SLC8A3: variants seen among roughly 807,000 people sequenced by gnomAD.
The protein encoded by SLC8A3 is solute carrier family 8 member A3.
SLC8A3 carries 37 observed loss-of-function variants against 65.4 expected under a neutral mutation model. The observed-to-expected ratio is 0.57, with a 90% CI of 0.44 to 0.74. The LOEUF (loss-of-function observed/expected upper bound fraction) is 0.74, where lower values mean the gene tolerates loss of function less well. SLC8A3 is among the 30% of genes least tolerant of loss of function. The pLI is 0.00. For synonymous variants in SLC8A3, 461 were observed against 444.5 expected, an observed-to-expected ratio of 1.04 and a Z score of -0.47; for missense variants, 1,112 against 1,172.1, an observed-to-expected ratio of 0.95 and a Z score of 0.75.
chr14:70,122,792 C>A (rs1894165569), intron 2 of SLC8A3, among the ~76,000 whole-genome samples: 1 of 152,156 alleles, frequency 6.6e-6, no homozygotes, highest in Non-Finnish European at 1.5e-5. Context: ...ATTTTATGGG[C>A]CTGGCACGGT....
At chr14:70,186,315 A>G (rs1883212448) in intron 1 of SLC8A3, among the ~76,000 whole-genome samples, 1 of 152,158 alleles carries the variant, frequency 6.6e-6, no homozygotes, top group South Asian at 2.1e-4. Flanking sequence ...TCCTTTATAA[A>G]TTACCCAGTC....
chr14:70,109,967 A>G (rs1272964479), intron 2 of SLC8A3, among the ~76,000 whole-genome samples: 2 of 152,168 alleles, frequency 1.3e-5, no homozygotes, highest in Non-Finnish European at 2.9e-5. Context: ...CTCTAAAGTT[A>G]ACTGACTGGT....
rs1028484812 is a variant in SLC8A3 at position 70,046,303 on chromosome 14, C to G, written c.2410G>C (p.Ala804Pro). The change falls in exon 7 of 7, where the codon GCT (alanine) becomes CCT (proline). Residue 804 changes from alanine to proline, a missense_variant. Transcript: ENST00000356921. This position sits in a 1 kb window ranked among gnomAD's most constrained non-coding sequence, Gnocchi z 4.2. The stretch of plus-strand genomic sequence containing the variant: ...TCTGCATATACATCCTGGAGGGCAG[C>G]AGCTTTGCTGGCAAACGTATCTGGA... ...SVPDTFASKAAALQDVYADAS... is the reference protein window; with the variant it reads ...SVPDTFASKAPALQDVYADAS... 6.2e-7 allele frequency: 1 copy of G among 1,608,502 alleles called. No individual in the cohort carries two copies. The highest frequency in any genetic ancestry group is 8.5e-7 in the Non-Finnish European group (1 of 1,176,500).
intron 2 of SLC8A3, chr14:70,063,814 G>A: frequency 6.8e-7 from 1 of 1,461,842 alleles, no homozygotes; most frequent in Non-Finnish European, 9.6e-7. Flanking sequence ...GGAGGACAGG[G>A]TACTACACCT....
chr14:70,062,473 T>A (rs1220297346), intron 2 of SLC8A3, among the ~76,000 whole-genome samples: 2 of 152,220 alleles, frequency 1.3e-5, no homozygotes, highest in African/African-American at 4.8e-5. Flanking sequence ...TGTGCTACAG[T>A]TGCCTGCAAT....
chr14:70,051,127 T>C lies in SLC8A3; in HGVS notation c.2014-20A>G. On this transcript the variant is annotated intron_variant, in intron 4 of 6. Coordinates refer to ENST00000356921, the MANE Select transcript of SLC8A3 (RefSeq NM_182932.3). ...CGTAGTCTGTTAAGAAGAGAAAAACTTGGAACCATGAGGTTAGAATGCTCA... is the reference window on the plus strand; with the variant it reads ...CGTAGTCTGTTAAGAAGAGAAAAACCTGGAACCATGAGGTTAGAATGCTCA... 6.4e-7 allele frequency: 1 copy of C among 1,556,806 alleles called. No individual in the cohort carries two copies.
At chr14:70,132,720 CA>C (rs1228611973) in intron 2 of SLC8A3, among the ~76,000 whole-genome samples, 7 of 152,132 alleles carry the variant, frequency 4.6e-5, no homozygotes, top group African/African-American at 7.2e-5. Context: ...CAGATAAATT[CA>C]GCTCTTTGCT....
rs1791540091 is a variant in SLC8A3, at chr14:70,045,853, A to G, written c.*94T>C. ...GCTTAGGTCCTGATGCTGCCTCTCC[A>G]GGGCAGTGCAGTCGGGAGAGATCAC... is the stretch of plus-strand genomic sequence containing the variant. On this transcript the variant is annotated 3_prime_UTR_variant, in exon 7 of 7. Transcript: ENST00000356921. The G allele has an allele frequency of 2.7e-5, 34 of 1,273,352 alleles. No homozygotes were observed. The highest frequency in any genetic ancestry group is 3.6e-5 in the Non-Finnish European group (34 of 939,644). 78.9% of individuals were successfully genotyped at this position (1,273,352 alleles called of 1,614,324 possible). A position where few individuals can be genotyped will look rare whatever the true frequency, so the allele number is the denominator to read the frequency against.
chr14:70,053,754 C>A lies in SLC8A3; in HGVS notation c.1889-1640G>T, dbSNP rs572654723. ...TAGCTTTCTGCAAAAATCCCTTTGA[C>A]AAATAACCAATCCTCTATCTTTGGA... On this transcript the variant is annotated intron_variant, in intron 3 of 6. Coordinates refer to ENST00000356921, the MANE Select transcript of SLC8A3 (RefSeq NM_182932.3). 7.9e-5 allele frequency among the ~76,000 whole-genome samples: 12 copies of A among 152,320 alleles called. No homozygotes were observed. The East Asian group carries it at 2.1e-3, about 27-fold the overall frequency.
chr14:70,144,043 T>C (rs1158910257), intron 2 of SLC8A3, among the ~76,000 whole-genome samples: 1 of 152,124 alleles, frequency 6.6e-6, no homozygotes, highest in Non-Finnish European at 1.5e-5. Flanking sequence ...TGTTTCTGAG[T>C]CCGTCTCCTC....
chr14:70,068,842 T>C (rs375953122), intron 2 of SLC8A3, among the ~76,000 whole-genome samples: 117 of 152,240 alleles, frequency 7.7e-4, no homozygotes, highest in African/African-American at 2.8e-3. Flanking sequence ...TCTTCCCACC[T>C]CAGCCTACCG....
At chr14:70,147,771 C>T (rs1255586977) in intron 2 of SLC8A3, among the ~76,000 whole-genome samples, 1 of 152,208 alleles carries the variant, frequency 6.6e-6, no homozygotes, top group Non-Finnish European at 1.5e-5. Context: ...AAGACAGCAG[C>T]CCCAGCTAAC....
At chr14:70,070,038 G>A (rs896493346) in intron 2 of SLC8A3, among the ~76,000 whole-genome samples, 1 of 152,156 alleles carries the variant, frequency 6.6e-6, no homozygotes, top group Non-Finnish European at 1.5e-5. Flanking sequence ...GCTAGTGCCA[G>A]TCAAGGATGG....
chr14:70,060,398 G>T (rs752838860), intron 3 of SLC8A3, among the ~76,000 whole-genome samples: 1 of 152,198 alleles, frequency 6.6e-6, no homozygotes, highest in East Asian at 1.9e-4. Context: ...GGCATGCATC[G>T]CATCACATTC....
intron 2 of SLC8A3, among the ~76,000 whole-genome samples, chr14:70,161,357 G>A (rs56350766): frequency 4.3e-5 from 6 of 138,294 alleles, no homozygotes; most frequent in African/African-American, 1.3e-4. Flanking sequence ...GGCCTGGAAA[G>A]TGGGCAATTG....
rs147300179 is a variant in SLC8A3 at position 70,166,895 on chromosome 14, G to A, written c.1528C>T (p.Arg510Trp). The A allele has an allele frequency of 5.0e-6, 8 of 1,613,988 alleles. No individual in the cohort carries two copies. The East Asian group carries it at 6.7e-5, about 13-fold the overall frequency. The change falls in exon 2 of 7, where the codon CGG becomes TGG. Residue 510 changes from arginine (R) to tryptophan (W), a missense_variant. Coordinates refer to ENST00000356921, the MANE Select transcript of SLC8A3 (RefSeq NM_182932.3). ...ACACAAGGGGAGGCTAGGACAGCCC[G>A]AGGCAAGGGAAGACTGTTGAATATT... ...PAIFNSLPLP[R>W]AVLASPCVAT...
At chr14:70,047,084 C>G (rs1285983739) in intron 6 of SLC8A3, 1 of 152,190 alleles carries the variant, frequency 6.6e-6, no homozygotes, top group Non-Finnish European at 1.5e-5. Flanking sequence ...AGGACCCTTT[C>G]CATACCTTCA....
intron 2 of SLC8A3, among the ~76,000 whole-genome samples, chr14:70,087,998 G>C (rs1367092013): frequency 6.6e-6 from 1 of 152,180 alleles, no homozygotes; most frequent in South Asian, 2.1e-4. Context: ...TACAGGAAGT[G>C]TGTAATCAAT....
chr14:70,139,667 T>C (rs1895440303), intron 2 of SLC8A3, among the ~76,000 whole-genome samples: 1 of 152,046 alleles, frequency 6.6e-6, no homozygotes, highest in Admixed American at 6.5e-5. Flanking sequence ...CCAAAGCAGA[T>C]CATAAGGGCT....
Sources: gnomAD v4.1 joint callset for allele counts (sites outside exome capture counted in the v4.1 genomes callset) on GRCh38, gnomAD v4.1.1 for gene constraint, Gnocchi (gnomAD v3.1) non-coding constraint, MANE v1.5 for transcripts, NCBI Gene and HGNC (gene_info 2026-07-23, HGNC 2026-07-21) for gene names.